Variants in C1QTNF6 observed in about 807,000 individuals in gnomAD.
C1QTNF6 encodes complement C1q tumor necrosis factor-related protein 6.
C1QTNF6 carries 17 observed loss-of-function variants against 20.7 expected under a neutral mutation model. That is an observed-to-expected ratio of 0.82 (90% CI 0.56 to 1.23). The LOEUF is 1.23. C1QTNF6 is among the 50% of genes most tolerant of loss of function. C1QTNF6 has a pLI of 0.00. For synonymous variants in C1QTNF6, 130 were observed against 156.3 expected, an observed-to-expected ratio of 0.83 and a Z score of 1.25; for missense variants, 329 against 389.7, an observed-to-expected ratio of 0.84 and a Z score of 1.31.
In C1QTNF6 at chr22:37,184,423, G is replaced by A. The variant is rs571929809; in HGVS notation, c.289+795C>T. 861 of 717,250 alleles carry A rather than the reference G, an allele frequency of 1.2e-3. 15 individuals are homozygous for A. Among genetic ancestry groups the A allele is most frequent in the South Asian group, 0.011 (719 of 67,594 alleles). 44.4% of individuals were successfully genotyped at this position (717,250 alleles called of 1,614,324 possible). A position where few individuals can be genotyped will look rare whatever the true frequency, so the allele number is the denominator to read the frequency against. On this transcript the variant is annotated intron_variant, in intron 2 of 2. Coordinates refer to ENST00000337843, the MANE Select transcript of C1QTNF6 (RefSeq NM_031910.4). This position sits in a 1 kb window ranked among gnomAD's most constrained non-coding sequence, Gnocchi z 4.0. ...AGCCACCACAGCCTGGAAGGGAAGC[G>A]AGTCCTTCCACGTCCTATTGAGAGA...
chr22:37,184,956 T>C lies in C1QTNF6; in HGVS notation c.289+262A>G, dbSNP rs759098304. 3.3e-5 allele frequency among the ~76,000 whole-genome samples: 5 copies of C among 151,846 alleles called. No homozygotes were observed. Among genetic ancestry groups the C allele is most frequent in the Admixed American group, 6.6e-5 (1 of 15,264 alleles). On this transcript the variant is annotated intron_variant, in intron 2 of 2. Transcript: ENST00000337843. The surrounding 1 kb of genome is among the most constrained non-coding windows in gnomAD (Gnocchi z 4.0). ...CCAGAGCACTGATCACCATCGAACA[T>C]TCCACTCCACTAACTTAGGTGATGT...
chr22:37,183,972 G>A (rs962588873), intron 2 of C1QTNF6, among the ~76,000 whole-genome samples: 8 of 152,278 alleles, frequency 5.3e-5, no homozygotes, highest in Middle Eastern at 3.4e-3. Flanking sequence ...AAGCCAGCCC[G>A]AGGTCCCTCA....
chr22:37,183,925 G>A (rs1924025695), intron 2 of C1QTNF6, among the ~76,000 whole-genome samples: 1 of 152,182 alleles, frequency 6.6e-6, no homozygotes, highest in South Asian at 2.1e-4. Context: ...ACTGGGCAAG[G>A]GGGCAGAAGA....
At chr22:37,182,894 G>C in intron 2 of C1QTNF6, 159 bp from the exon 3 acceptor site, 1 of 1,436,140 alleles carries the variant, frequency 7.0e-7, no homozygotes, top group Non-Finnish European at 9.1e-7. Flanking sequence ...CTCCCCACAT[G>C]CCTGCCTAAA....
chr22:37,185,815 C>CAA (rs1924275204), intron 1 of C1QTNF6: 1 of 1,004,122 alleles, frequency 1.0e-6, no homozygotes, highest in Non-Finnish European at 1.2e-6. Context: ...GAAGATGCCC[C>CAA]AGCTGGCCAT....
chr22:37,192,466 T>C (rs552073616), upstream of C1QTNF6, among the ~76,000 whole-genome samples: 5 of 152,328 alleles, frequency 3.3e-5, no homozygotes, highest in East Asian at 1.9e-4. Context: ...CCAGGCCTTA[T>C]CTAGAATCTA....
At chr22:37,196,390 T>G (rs1238499290) in intron 1 of C1QTNF6, 3 of 152,238 alleles carry the variant, frequency 2.0e-5, no homozygotes, top group East Asian at 3.9e-4. Flanking sequence ...GTATAAAGAC[T>G]GTCTCAAATG....
At chr22:37,187,761 G>A (rs189860339) in intron 1 of C1QTNF6, among the ~76,000 whole-genome samples, 19 of 152,248 alleles carry the variant, frequency 1.2e-4, no homozygotes, top group Non-Finnish European at 2.4e-4. Context: ...AGCCGTTAAC[G>A]AGGAATCATA....
At chr22:37,186,873 A>T (rs229529) in intron 1 of C1QTNF6, among the ~76,000 whole-genome samples, 9 of 152,130 alleles carry the variant, frequency 5.9e-5, no homozygotes, top group African/African-American at 2.2e-4. Context: ...ATTACTTTTT[A>T]AAATGCCACC....
chr22:37,188,320 G>T, upstream of C1QTNF6: 1 of 941,282 alleles, frequency 1.1e-6, no homozygotes. Flanking sequence ...AGAGAGGGCG[G>T]AGGGAGGGCG....
intron 1 of C1QTNF6, among the ~76,000 whole-genome samples, chr22:37,187,680 C>T (rs1961929): frequency 1.6e-5 from 2 of 125,620 alleles, no homozygotes; most frequent in Non-Finnish European, 3.5e-5. Flanking sequence ...TTTCTGTTTC[C>T]TATTGGCCCC....
Position 37,182,265 on chromosome 22 carries a change from C to T in C1QTNF6, c.760G>A (p.Glu254Lys), listed in dbSNP as rs934446825. ...VWVRLFKRQR[E>K]NAIYSNDFDT... ...AAGTCGTTGCTGTAGATGGCGTTCTCGCGCTGGCGCTTGAAGAGCCGCACC... is the reference window on the plus strand; with the variant it reads ...AAGTCGTTGCTGTAGATGGCGTTCTTGCGCTGGCGCTTGAAGAGCCGCACC... The change falls in exon 3 of 3, where the codon GAG (glutamate) becomes AAG (lysine). Residue 254 changes from glutamate (E) to lysine (K), a missense_variant. Coordinates refer to ENST00000337843, the MANE Select transcript of C1QTNF6 (RefSeq NM_031910.4). 11 of 1,614,114 alleles carry T rather than the reference C, an allele frequency of 6.8e-6. No homozygotes were observed. Among genetic ancestry groups the T allele is most frequent in the South Asian group, 2.2e-5 (2 of 91,092 alleles).
In C1QTNF6 at chr22:37,194,918, T is replaced by G. The variant is rs540688169; in HGVS notation, n.224+463A>C. The stretch of plus-strand genomic sequence containing the variant: ...AAGAAAAGCATTGCCTGCCGGGGGG[T>G]GGAGAAGCTGAGGAGCTCAGGGAGG... On this transcript the variant is annotated intron_variant and non_coding_transcript_variant, in intron 2 of 4. Transcript: ENST00000467564. 3.0e-3 allele frequency among the ~76,000 whole-genome samples: 454 copies of G among 151,916 alleles called. 3 individuals carry two copies. Among genetic ancestry groups the G allele is most frequent in the Admixed American group, 5.7e-3 (87 of 15,262 alleles).
intron 2 of C1QTNF6, among the ~76,000 whole-genome samples, chr22:37,183,627 C>T (rs1176403932): frequency 3.9e-5 from 6 of 152,240 alleles, no homozygotes; most frequent in Admixed American, 3.9e-4. Context: ...GGCTAGAAGG[C>T]CCTGTGTTTT....
At position 37,182,010 on chromosome 22, in the gene C1QTNF6, A is replaced by T; in HGVS notation, c.*178T>A. The stretch of plus-strand genomic sequence containing the variant: ...TTAAAATAGGTCCAAGAGAGAAGAG[A>T]GGAGCAGAAATAGGCTGGGAGGGAT... On this transcript the variant is annotated 3_prime_UTR_variant, in exon 3 of 3. Coordinates refer to ENST00000337843, the MANE Select transcript of C1QTNF6 (RefSeq NM_031910.4). 1 of 659,870 alleles carries T rather than the reference A, an allele frequency of 1.5e-6. No homozygotes were observed. The highest frequency in any genetic ancestry group is 2.0e-5 in the South Asian group (1 of 49,720). 40.9% of individuals were successfully genotyped at this position (659,870 alleles called of 1,614,324 possible). A position where few individuals can be genotyped will look rare whatever the true frequency, so the allele number is the denominator to read the frequency against.
upstream of C1QTNF6, chr22:37,188,541 G>A: frequency 4.1e-6 from 1 of 246,404 alleles, no homozygotes; most frequent in Non-Finnish European, 7.8e-6. Context: ...CACAGGCATG[G>A]GGCACAGGAG....
intron 1 of C1QTNF6, chr22:37,197,426 G>A (rs1019721703): frequency 1.3e-5 from 2 of 152,388 alleles, no homozygotes; most frequent in African/African-American, 4.8e-5. Flanking sequence ...GGGATAGAGA[G>A]AACCATCAAT....
In C1QTNF6 at chr22:37,184,265, C is replaced by T. The variant is rs777992626; in HGVS notation, c.289+953G>A. The stretch of plus-strand genomic sequence containing the variant: ...CTCAGGAACAAATCCTGGCTCCATC[C>T]CTGACAGCTGTGTGGCCCCAGGAGA... On this transcript the variant is annotated intron_variant, in intron 2 of 2. Coordinates refer to ENST00000337843, the MANE Select transcript of C1QTNF6 (RefSeq NM_031910.4). This position sits in a 1 kb window ranked among gnomAD's most constrained non-coding sequence, Gnocchi z 4.0. 2 of 691,086 alleles carry T rather than the reference C, an allele frequency of 2.9e-6. No homozygotes were observed. Among genetic ancestry groups the T allele is most frequent in the Non-Finnish European group, 2.7e-6 (1 of 369,380 alleles). 42.8% of individuals were successfully genotyped at this position (691,086 alleles called of 1,614,324 possible). A position where few individuals can be genotyped will look rare whatever the true frequency, so the allele number is the denominator to read the frequency against.
chr22:37,184,336 C>A lies in C1QTNF6; in HGVS notation c.289+882G>T. 1.4e-6 allele frequency: 1 copy of A among 716,880 alleles called. No homozygotes were observed. Among genetic ancestry groups the A allele is most frequent in the Non-Finnish European group, 2.6e-6 (1 of 384,784 alleles). 44.4% of individuals were successfully genotyped at this position (716,880 alleles called of 1,614,324 possible). ...AGTGGGAGGAATAAGAAAATATCGA[C>A]CTCACGGGCTGTTGTGGGCAGAGAC... On this transcript the variant is annotated intron_variant, in intron 2 of 2. Transcript: ENST00000337843. This position sits in a 1 kb window ranked among gnomAD's most constrained non-coding sequence, Gnocchi z 4.0.
Sources: gnomAD v4.1 joint callset for allele counts (sites outside exome capture counted in the v4.1 genomes callset) on GRCh38, gnomAD v4.1.1 for gene constraint, Gnocchi (gnomAD v3.1) non-coding constraint, MANE v1.5 for transcripts, NCBI Gene and HGNC (gene_info 2026-07-23, HGNC 2026-07-21) for gene names.